SLC37A1: variants seen among roughly 807,000 people sequenced by gnomAD.
The protein encoded by SLC37A1 is solute carrier family 37 member 1.
SLC37A1 carries 49 observed loss-of-function variants against 75.3 expected under a neutral mutation model. That is an observed-to-expected ratio of 0.65 (90% CI 0.52 to 0.83). SLC37A1 has a LOEUF of 0.83. Ranked by LOEUF, SLC37A1 falls within the 40% of genes least tolerant of loss-of-function variation. The probability of loss-of-function intolerance (pLI) is 0.00; values close to 1 mark genes in which losing one functional copy is unlikely to be tolerated. For missense variants in SLC37A1, 566 were observed against 695.0 expected (o/e 0.81, Z 2.09); for synonymous variants, 268 against 292.1 (o/e 0.92, Z 0.84).
At chr21:42,501,719 C>A (rs1206123423) in intron 1 of SLC37A1, among the ~76,000 whole-genome samples, 3 of 152,068 alleles carry the variant, frequency 2.0e-5, no homozygotes, top group African/African-American at 7.2e-5. Flanking sequence ...AACTCTATCT[C>A]AAAAAACAAA....
At chr21:42,565,737 A>G in intron 14 of SLC37A1, 90 bp from the exon 15 acceptor site, 2 of 1,236,428 alleles carry the variant, frequency 1.6e-6, no homozygotes, top group South Asian at 2.5e-5. Context: ...CCTGAGAATC[A>G]CCCGCCGGGT....
At chr21:42,556,173 T>C (rs931990270) in intron 10 of SLC37A1, among the ~76,000 whole-genome samples, 6 of 152,222 alleles carry the variant, frequency 3.9e-5, no homozygotes, top group Admixed American at 3.3e-4. Flanking sequence ...CTTGGCCACG[T>C]GGCGAGCCCG....
At chr21:42,574,435 G>A (rs1406442758) in intron 17 of SLC37A1, among the ~76,000 whole-genome samples, 1 of 152,176 alleles carries the variant, frequency 6.6e-6, no homozygotes, top group Non-Finnish European at 1.5e-5. Flanking sequence ...GCGTACAGGT[G>A]GAGTATCCTT....
At position 42,547,006 on chromosome 21, in the gene SLC37A1, C is replaced by T. The variant is rs1273541234; in HGVS notation, c.731-97C>T. On this transcript the variant is annotated intron_variant, in intron 8 of 19. Coordinates refer to ENST00000352133, the MANE Select transcript of SLC37A1 (RefSeq NM_001320537.2). The surrounding 1 kb of genome is among the most constrained non-coding windows in gnomAD (Gnocchi z 6.1). ...CCTGCATACAGTCCAGTTTCACACCCGGTGCTCCCGTGTTGCCCTGTCCTC... is the reference window on the plus strand; with the variant it reads ...CCTGCATACAGTCCAGTTTCACACCTGGTGCTCCCGTGTTGCCCTGTCCTC... 7.7e-6 allele frequency: 11 copies of T among 1,421,968 alleles called. No homozygotes were observed. Among genetic ancestry groups the T allele is most frequent in the South Asian group, 4.7e-5 (4 of 86,014 alleles). 88.1% of individuals were successfully genotyped at this position (1,421,968 alleles called of 1,614,324 possible). A position where few individuals can be genotyped will look rare whatever the true frequency, so the allele number is the denominator to read the frequency against.
In SLC37A1 at chr21:42,518,384, G is replaced by C. The variant is rs1287894963; in HGVS notation, c.-71G>C. On this transcript the variant is annotated 5_prime_UTR_variant, in exon 2 of 20. Coordinates refer to ENST00000352133, the MANE Select transcript of SLC37A1 (RefSeq NM_001320537.2). ...AGGGGCAACAGAGAGAGGATCTGGAGCCAGGATTAATGACTCATTTATGAA... is the reference window on the plus strand; with the variant it reads ...AGGGGCAACAGAGAGAGGATCTGGACCCAGGATTAATGACTCATTTATGAA... 1.3e-6 allele frequency: 2 copies of C among 1,593,896 alleles called. No homozygotes were observed. The highest frequency in any genetic ancestry group is 1.7e-6 in the Non-Finnish European group (2 of 1,162,308).
chr21:42,568,853 T>G (rs1199658857), intron 17 of SLC37A1, among the ~76,000 whole-genome samples: 1 of 152,258 alleles, frequency 6.6e-6, no homozygotes, highest in Non-Finnish European at 1.5e-5. Context: ...TTCAGTGGCA[T>G]ATTCTGGAAT....
intron 17 of SLC37A1, among the ~76,000 whole-genome samples, chr21:42,569,923 G>A (rs35112095): frequency 0.031 from 4,708 of 152,358 alleles, 99 homozygotes; most frequent in Non-Finnish European, 0.052. Flanking sequence ...CCTGGGTGGC[G>A]GGAACCCCAG....
At chr21:42,513,150 GCA>G (rs2054456530), upstream of SLC37A1, among the ~76,000 whole-genome samples, 2 of 152,312 alleles carry the variant, frequency 1.3e-5, no homozygotes, top group South Asian at 4.1e-4. Context: ...TGGGTGTTCG[GCA>G]GTAGCTTCTA....
At chr21:42,524,834 G>A (rs529599641) in intron 2 of SLC37A1, among the ~76,000 whole-genome samples, 41 of 152,306 alleles carry the variant, frequency 2.7e-4, no homozygotes, top group Middle Eastern at 3.4e-3. Flanking sequence ...AACCTTTAGT[G>A]CTGAGTGTCT....
At position 42,566,306 on chromosome 21, in the gene SLC37A1, G is replaced by A. The variant is rs80212715; in HGVS notation, c.1270+431G>A. On this transcript the variant is annotated intron_variant, in intron 15 of 19. Coordinates refer to ENST00000352133, the MANE Select transcript of SLC37A1 (RefSeq NM_001320537.2). ...CACGTCAGGTAGCCAGGAACCTGGC[G>A]GTGTGACCTGAACAGGGTCCGGCCA... is the stretch of plus-strand genomic sequence containing the variant. 4.9e-3 allele frequency among the ~76,000 whole-genome samples: 750 copies of A among 152,344 alleles called. 6 individuals are homozygous for A. Among genetic ancestry groups the A allele is most frequent in the African/African-American group, 0.017 (715 of 41,582 alleles).
intron 2 of SLC37A1, among the ~76,000 whole-genome samples, chr21:42,504,908 ACCAGTTCTTT>A (rs1323490656): frequency 1.3e-5 from 2 of 152,182 alleles, no homozygotes; most frequent in Non-Finnish European, 2.9e-5. Context: ...AATGTCAGGG[ACCAGTTCTTT>A]CCTTCCCCCT....
At chr21:42,575,841 T>A in intron 18 of SLC37A1, 1 of 985,386 alleles carries the variant, frequency 1.0e-6, no homozygotes, top group Non-Finnish European at 1.2e-6. Flanking sequence ...TTACTAGGTT[T>A]AAATGGCTGT....
chr21:42,574,942 C>T, intron 18 of SLC37A1, 27 bp downstream of exon 18: 2 of 1,613,394 alleles, frequency 1.2e-6, no homozygotes, highest in Non-Finnish European at 1.7e-6. Context: ...TTAGTCCAAT[C>T]CACCTTGAAT....
chr21:42,508,739 A>G (rs2054407762), intron 2 of SLC37A1: 2 of 152,176 alleles, frequency 1.3e-5, no homozygotes, highest in African/African-American at 4.8e-5. Flanking sequence ...TACTCCCCAA[A>G]TACCCGTGAG....
intron 18 of SLC37A1, chr21:42,576,053 C>T (rs746887498): frequency 4.1e-6 from 3 of 723,238 alleles, no homozygotes; most frequent in Non-Finnish European, 3.4e-6. Flanking sequence ...AGGAACTCCC[C>T]AGGAGCCAGA....
chr21:42,505,263 A>G (rs1167259528), intron 2 of SLC37A1, among the ~76,000 whole-genome samples: 1 of 152,182 alleles, frequency 6.6e-6, no homozygotes, highest in East Asian at 1.9e-4. Context: ...CTCTTGCCTT[A>G]TGTTCACACA....
At chr21:42,569,980 C>CTGAGAAGCGGCGGGCAGGG (rs2056085988) in intron 17 of SLC37A1, among the ~76,000 whole-genome samples, 4 of 151,738 alleles carry the variant, frequency 2.6e-5, no homozygotes, top group African/African-American at 9.7e-5. Context: ...TTTCCTTGTT[C>CTGAGAAGCGGCGGGCAGGG]TGGCCTTGTT....
chr21:42,506,588 C>T (rs1030025974), intron 2 of SLC37A1, among the ~76,000 whole-genome samples: 2 of 152,120 alleles, frequency 1.3e-5, no homozygotes, highest in African/African-American at 4.8e-5. Context: ...TGAATAAAAC[C>T]GGTTAAAAAA....
At chr21:42,568,239 T>G (rs375388457) in intron 16 of SLC37A1, 121 bp from the exon 17 acceptor site, 3 of 774,576 alleles carry the variant, frequency 3.9e-6, no homozygotes, top group Non-Finnish European at 6.6e-6. Context: ...GTTTAAATAA[T>G]GGGAAACACC....
Sources: allele counts gnomAD v4.1 joint callset (sites outside exome capture counted in the v4.1 genomes callset), GRCh38; gene constraint gnomAD v4.1.1; non-coding constraint Gnocchi (gnomAD v3.1); transcripts MANE v1.5; gene names NCBI Gene and HGNC (gene_info 2026-07-23, HGNC 2026-07-21).